The following TDP1 variants were observed in gnomAD, a reference collection of about 807,000 sequenced individuals.
The protein encoded by TDP1 is tyrosyl-DNA phosphodiesterase 1.
TDP1 carries 64 observed loss-of-function variants against 81.5 expected under a neutral mutation model. The observed-to-expected ratio is 0.79, with a 90% CI of 0.64 to 0.97. The LOEUF (loss-of-function observed/expected upper bound fraction) is 0.97, where lower values mean the gene tolerates loss of function less well. Among genes scored for constraint, TDP1 ranks in the 50% least tolerant of loss-of-function variants. The pLI is 0.00. For missense variants in TDP1, 723 were observed against 743.8 expected (o/e 0.97, Z 0.33); for synonymous variants, 256 against 264.3 (o/e 0.97, Z 0.30).
At chr14:90,023,194 C>CG (rs1886288664) in intron 15 of TDP1, 1 of 680,056 alleles carries the variant, frequency 1.5e-6, no homozygotes. Flanking sequence ...GTGGTCTGCC[C>CG]GGGGGGCTTG....
At chr14:90,005,405 A>T (rs1284241497) in intron 14 of TDP1, among the ~76,000 whole-genome samples, 2 of 151,274 alleles carry the variant, frequency 1.3e-5, no homozygotes, top group Non-Finnish European at 2.9e-5. Context: ...CTCGAGGTTT[A>T]AAAAAAAAAT....
At position 90,043,326 on chromosome 14, in the gene TDP1, A is replaced by T; in HGVS notation, c.*183A>T. 1 of 691,678 alleles carries T rather than the reference A, an allele frequency of 1.4e-6. No individual in the cohort carries two copies. The highest frequency in any genetic ancestry group is 2.5e-6 in the Non-Finnish European group (1 of 407,686). The allele number at this position is 691,678 out of a possible 1,614,324, so 42.8% of individuals were successfully genotyped here. A position where few individuals can be genotyped will look rare whatever the true frequency, so the allele number is the denominator to read the frequency against. The stretch of plus-strand genomic sequence containing the variant: ...TAATGGACATTAACATTCCTAATAA[A>T]GTATTAGTTTCTTAATTCACTTTTA... On this transcript the variant is annotated 3_prime_UTR_variant, in exon 17 of 17. Coordinates refer to ENST00000335725, the MANE Select transcript of TDP1 (RefSeq NM_018319.4).
rs151111527 is a variant in TDP1 at position 89,963,381 on chromosome 14, G to A, written c.267G>A (p.Leu89=). The A allele has an allele frequency of 4.3e-6, 7 of 1,614,100 alleles. No homozygotes were observed. The highest frequency in any genetic ancestry group is 1.7e-5 in the Admixed American group (1 of 60,010). Residue 89 remains leucine (L), a synonymous_variant, in exon 3 of 17, where the codon CTG becomes CTA. Transcript: ENST00000335725. The part of the protein sequence containing the change: ...SGSQEDLGWC[L]SSSDDELQPE... ...CCCAGGAGGACCTCGGCTGGTGTCT[G>A]TCCAGCAGTGATGATGAGCTGCAAC...
At chr14:90,033,247 A>T in intron 16 of TDP1, 33 bp downstream of exon 16, 2 of 1,240,692 alleles carry the variant, frequency 1.6e-6, no homozygotes. Flanking sequence ...CCACGGGTGG[A>T]TATGCATAAG....
chr14:90,031,179 A>G lies in TDP1; in HGVS notation c.1645-1927A>G, dbSNP rs375846131. On this transcript the variant is annotated intron_variant, in intron 15 of 16. Transcript: ENST00000335725. Reference sequence around the variant, plus strand: ...ATGTGCAGGTTAGTTACATATGTATACATGTGCCATGCTGGTGTGCTGCAC... The same window carrying G: ...ATGTGCAGGTTAGTTACATATGTATGCATGTGCCATGCTGGTGTGCTGCAC... Among the ~76,000 whole-genome samples the G allele has an allele frequency of 1.1e-4, 16 of 151,712 alleles. No individual in the cohort carries two copies. The East Asian group carries it at 2.1e-3, about 20-fold the overall frequency.
Position 90,042,146 on chromosome 14 carries a change from C to T in TDP1, c.1754-924C>T, listed in dbSNP as rs570322621. 2.0e-5 allele frequency among the ~76,000 whole-genome samples: 3 copies of T among 152,260 alleles called. No homozygotes were observed. In the East Asian group the frequency reaches 5.8e-4, roughly 29 times the overall value. ...GGTCTACAGTTATTTATACAGAGGC[C>T]TTCATGTTTCATCAATTATTAACCC... On this transcript the variant is annotated intron_variant, in intron 16 of 16. Coordinates refer to ENST00000335725, the MANE Select transcript of TDP1 (RefSeq NM_018319.4).
intron 3 of TDP1, among the ~76,000 whole-genome samples, chr14:89,964,064 G>A (rs897293768): frequency 6.6e-6 from 1 of 152,124 alleles, no homozygotes; most frequent in Admixed American, 6.5e-5. Flanking sequence ...GCAAATTCTC[G>A]GGCCCCATTC....
At chr14:89,989,633 T>A in intron 11 of TDP1, 84 bp from the exon 12 acceptor site, 1 of 1,254,180 alleles carries the variant, frequency 8.0e-7, no homozygotes, top group African/African-American at 1.5e-5. Flanking sequence ...TTTTAACAGA[T>A]TTTCATTTCC....
intron 8 of TDP1, 41 bp from the exon 9 acceptor site, chr14:89,984,475 G>C (rs1895337433): frequency 6.2e-7 from 1 of 1,613,164 alleles, no homozygotes; most frequent in Non-Finnish European, 8.5e-7. Flanking sequence ...ATTATGATCA[G>C]TTGTGTGCCT....
intron 4 of TDP1, 56 bp from the exon 5 acceptor site, chr14:89,967,311 T>G: frequency 6.6e-7 from 1 of 1,514,392 alleles, no homozygotes; most frequent in Non-Finnish European, 9.2e-7. Flanking sequence ...ATTCTCCTTA[T>G]GAACTGTTTG....
chr14:89,970,034 G>A (rs1269448328), intron 5 of TDP1, among the ~76,000 whole-genome samples: 2 of 151,040 alleles, frequency 1.3e-5, no homozygotes, highest in Non-Finnish European at 3.0e-5. Context: ...CCGCCACTAC[G>A]CCCGGCTAAT....
intron 16 of TDP1, among the ~76,000 whole-genome samples, chr14:90,035,471 A>G (rs981571794): frequency 6.6e-6 from 1 of 151,880 alleles, no homozygotes; most frequent in Non-Finnish European, 1.5e-5. Context: ...CAAAAAAAAA[A>G]AAACCCCAGG....
chr14:90,014,963 A>G lies in TDP1; in HGVS notation c.1542-4353A>G, dbSNP rs77484403. ...ACCATGAACATCCAACAAGTACTCC[A>G]CTCCCCAGTGGTAAACCTCCAGTGA... On this transcript the variant is annotated intron_variant, in intron 14 of 16. Coordinates refer to ENST00000335725, the MANE Select transcript of TDP1 (RefSeq NM_018319.4). 1.4e-4 allele frequency among the ~76,000 whole-genome samples: 22 copies of G among 151,810 alleles called. 1 individual carries two copies. In the East Asian group the frequency reaches 4.3e-3, roughly 30 times the overall value.
At chr14:89,991,474 G>A (rs897584645) in intron 12 of TDP1, 1 of 784,386 alleles carries the variant, frequency 1.3e-6, no homozygotes, top group Non-Finnish European at 1.5e-6. Context: ...CGACACAGAA[G>A]AATTGTAAAT....
intron 3 of TDP1, chr14:89,965,689 C>A: frequency 1.3e-6 from 1 of 744,548 alleles, no homozygotes; most frequent in Non-Finnish European, 1.6e-6. Context: ...CTTTCATTCA[C>A]AGGCCACAGG....
At chr14:90,002,036 GA>G (rs1566895379) in intron 14 of TDP1, among the ~76,000 whole-genome samples, 3 of 151,938 alleles carry the variant, frequency 2.0e-5, no homozygotes, top group African/African-American at 7.3e-5. Context: ...AAAATTATTT[GA>G]ATCAGTACCC....
chr14:89,962,524 G>A (rs1235781894), intron 2 of TDP1, among the ~76,000 whole-genome samples: 1 of 152,108 alleles, frequency 6.6e-6, no homozygotes, highest in African/African-American at 2.4e-5. Flanking sequence ...TTGTCTTGAT[G>A]CATTCTTCAA....
At chr14:90,024,346 A>G (rs1886414138) in intron 15 of TDP1, among the ~76,000 whole-genome samples, 1 of 152,110 alleles carries the variant, frequency 6.6e-6, no homozygotes, top group South Asian at 2.1e-4. Context: ...TCTCCACTCC[A>G]GGCACCCCTC....
At chr14:89,985,281 A>G (rs1057049361) in intron 10 of TDP1, 71 bp downstream of exon 10, 9 of 857,612 alleles carry the variant, frequency 1.0e-5, no homozygotes, top group African/African-American at 6.9e-5. Flanking sequence ...AAATAATTAT[A>G]TATTTTGATG....
Sources: gnomAD v4.1 joint callset for allele counts (sites outside exome capture counted in the v4.1 genomes callset) on GRCh38, gnomAD v4.1.1 for gene constraint, MANE v1.5 for transcripts, NCBI Gene and HGNC (gene_info 2026-07-23, HGNC 2026-07-21) for gene names.